BICD2: variants seen among roughly 807,000 people sequenced by gnomAD.
The protein encoded by BICD2 is BICD cargo adaptor 2.
BICD2 carries 25 observed loss-of-function variants against 72.9 expected under a neutral mutation model. The observed-to-expected ratio is 0.34, with a 90% CI of 0.25 to 0.48. The LOEUF is 0.48. Ranked by LOEUF, BICD2 falls within the 20% of genes least tolerant of loss-of-function variation. The pLI, the probability that BICD2 is intolerant of heterozygous loss-of-function variation, is 0.99. For synonymous variants in BICD2, 501 were observed against 516.1 expected (o/e 0.97, Z 0.40); for missense variants, 894 against 1,175.2 (o/e 0.76, Z 3.50).
chr9:92,736,194 T>C (rs188531084), intron 1 of BICD2, among the ~76,000 whole-genome samples: 52 of 152,300 alleles, frequency 3.4e-4, no homozygotes, highest in Non-Finnish European at 5.7e-4. Context: ...AAACACTAAC[T>C]GCTGATAAAA....
chr9:92,719,439 GGCCTGCAGGCGCC>G lies in BICD2; in HGVS notation c.1193_1205del (p.Arg398ProfsTer87). The G allele has an allele frequency of 6.2e-7, 1 of 1,614,118 alleles. No individual in the cohort carries two copies. The highest frequency in any genetic ancestry group is 8.5e-7 in the Non-Finnish European group (1 of 1,180,040). ...CCAGGGCTGTCTGCCGCTCCTTGCT[GGCCTGCAGGCGCC>G]GCAGGGCACTCAGATTCTCTGTGAG... On this transcript the variant is annotated frameshift_variant, in exon 5 of 7. Transcript: ENST00000356884. LOFTEE classifies it high-confidence loss of function.
chr9:92,729,260 G>C (rs376722563), intron 1 of BICD2, 24 bp from the exon 2 acceptor site: 2 of 1,612,102 alleles, frequency 1.2e-6, no homozygotes, highest in East Asian at 4.5e-5. Context: ...CAAGACACTC[G>C]TGAGGTGGGC....
chr9:92,744,383 A>G (rs1007845114), intron 1 of BICD2, among the ~76,000 whole-genome samples: 4 of 152,196 alleles, frequency 2.6e-5, no homozygotes, highest in Non-Finnish European at 5.9e-5. Flanking sequence ...GGGCTCAGAG[A>G]GCAGCTCTGG....
In BICD2 at chr9:92,764,781, T is replaced by C. The variant is rs747858816; in HGVS notation, c.-37A>G. The C allele has an allele frequency of 7.0e-7, 1 of 1,438,754 alleles. No homozygotes were observed. The highest frequency in any genetic ancestry group is 9.1e-7 in the Non-Finnish European group (1 of 1,098,304). 89.1% of individuals were successfully genotyped at this position (1,438,754 alleles called of 1,614,324 possible). A position where few individuals can be genotyped will look rare whatever the true frequency, so the allele number is the denominator to read the frequency against. On this transcript the variant is annotated 5_prime_UTR_variant, in exon 1 of 7. Transcript: ENST00000356884. This position sits in a 1 kb window ranked among gnomAD's most constrained non-coding sequence, Gnocchi z 5.5. ...GCTGAGCCGGCTCCCACTGAGGCTC[T>C]CGCAGGCCGGGCCCTCCTCAGCCGC...
chr9:92,723,463 A>G (rs1033389295), intron 2 of BICD2, among the ~76,000 whole-genome samples: 13 of 152,378 alleles, frequency 8.5e-5, no homozygotes, highest in African/African-American at 2.6e-4. Flanking sequence ...GCCTGTCACG[A>G]GAGGCCATGC....
chr9:92,720,553 G>A lies in BICD2; in HGVS notation c.809C>T (p.Ser270Phe), dbSNP rs375710311. 1 of 1,614,154 alleles carries A rather than the reference G, an allele frequency of 6.2e-7. No individual in the cohort carries two copies. The highest frequency in any genetic ancestry group is 8.5e-7 in the Non-Finnish European group (1 of 1,180,034). The change falls in exon 4 of 7, where the codon TCC becomes TTC. Residue 270 changes from serine (S) to phenylalanine (F), a missense_variant. Around this residue, in one of 5 missense-constraint regions of BICD2, gnomAD observed 371 missense variants for 439.1 expected, o/e 0.84. Coordinates refer to ENST00000356884, the MANE Select transcript of BICD2 (RefSeq NM_001003800.2). The surrounding 1 kb of genome is among the most constrained non-coding windows in gnomAD (Gnocchi z 5.4). Reference protein sequence around the residue: ...ELSHYMSINDSFYTSHLHVSL... With the variant: ...ELSHYMSINDFFYTSHLHVSL... ...GACATGCAGGTGGCTGGTGTAGAAG[G>A]AGTCATTGATGCTCATGTAGTGTGA...
rs1045439247 is a variant in BICD2 at position 92,714,553 on chromosome 9, G to A, written c.*601C>T. On this transcript the variant is annotated 3_prime_UTR_variant, in exon 7 of 7. Coordinates refer to ENST00000356884, the MANE Select transcript of BICD2 (RefSeq NM_001003800.2). Reference sequence around the variant, plus strand: ...TGTGTCTGGCCAGCAGAATACAGGGGCTCAGGGCTGCTCTTCTCTGGGCTT... The same window carrying A: ...TGTGTCTGGCCAGCAGAATACAGGGACTCAGGGCTGCTCTTCTCTGGGCTT... The A allele has an allele frequency of 1.1e-4, 105 of 985,440 alleles. No homozygotes were observed. The highest frequency in any genetic ancestry group is 1.2e-4 in the Non-Finnish European group (99 of 830,026). The allele number at this position is 985,440 out of a possible 1,614,324, so 61.0% of individuals were successfully genotyped here.
Position 92,715,133 on chromosome 9 carries a change from G to T in BICD2, c.*21C>A. 1 of 1,546,544 alleles carries T rather than the reference G, an allele frequency of 6.5e-7. No individual in the cohort carries two copies. The highest frequency in any genetic ancestry group is 8.8e-7 in the Non-Finnish European group (1 of 1,142,764). On this transcript the variant is annotated 3_prime_UTR_variant, in exon 7 of 7. Coordinates refer to ENST00000356884, the MANE Select transcript of BICD2 (RefSeq NM_001003800.2). ...TGAGGTGAAGCAGATGTTAGCTGCA[G>T]CGTGCGGCGCCCCACAGCCCCTAAT...
In BICD2 at chr9:92,715,337, C is replaced by T; in HGVS notation, c.2385G>A (p.Arg795=). 6.2e-7 allele frequency: 1 copy of T among 1,613,196 alleles called. No homozygotes were observed. The highest frequency in any genetic ancestry group is 8.5e-7 in the Non-Finnish European group (1 of 1,179,872). ...AIQQKLALTQ[R]LELLELDHEQ... ...CATGGTCCAGCTCGAGCAGCTCCAG[C>T]CGCTGGGTCAGCGCCAGCTTCTGCT... The change falls in exon 7 of 7, where the codon CGG becomes CGA. Residue 795 remains arginine (R), a synonymous_variant. Transcript: ENST00000356884.
At position 92,764,244 on chromosome 9, in the gene BICD2, C is replaced by A. The variant is rs1271280170; in HGVS notation, c.240+261G>T. Among the ~76,000 whole-genome samples, 1 of 152,144 alleles carries A rather than the reference C, an allele frequency of 6.6e-6. No individual in the cohort carries two copies. The highest frequency in any genetic ancestry group is 1.5e-5 in the Non-Finnish European group (1 of 68,000). On this transcript the variant is annotated intron_variant, in intron 1 of 6. Transcript: ENST00000356884. The surrounding 1 kb of genome is among the most constrained non-coding windows in gnomAD (Gnocchi z 5.5). ...CCGCCCCGCCGGGGCCGCCCAGGTC[C>A]GCACAGAAGCAGGCGGGCAGCTGCA...
chr9:92,718,858 C>A lies in BICD2; in HGVS notation c.1787G>T (p.Gly596Val), dbSNP rs1377173037. The change falls in exon 5 of 7, where the codon GGC becomes GTC. Residue 596 changes from glycine (G) to valine (V), a missense_variant. Transcript: ENST00000356884. ...LPKGLLAPEA[G>V]RADGGTGDSS... ...GTCCCCCGTCCCACCATCTGCTCGG[C>A]CCGCCTCAGGAGCCAGCAGCCCCTT... 1 of 1,603,802 alleles carries A rather than the reference C, an allele frequency of 6.2e-7. No individual in the cohort carries two copies.
chr9:92,716,646 A>AC (rs751787397), intron 6 of BICD2, among the ~76,000 whole-genome samples: 7 of 152,204 alleles, frequency 4.6e-5, no homozygotes, highest in African/African-American at 7.2e-5. Context: ...TGCAGGGCTG[A>AC]CCCCATGGTG....
intron 6 of BICD2, among the ~76,000 whole-genome samples, chr9:92,716,712 G>C (rs1853322099): frequency 6.6e-6 from 1 of 152,248 alleles, no homozygotes; most frequent in Non-Finnish European, 1.5e-5. Context: ...GTGAAAGACA[G>C]CGGTACCTGT....
intron 5 of BICD2, 70 bp from the exon 6 acceptor site, chr9:92,718,018 G>C (rs1853358724): frequency 1.3e-6 from 2 of 1,537,140 alleles, no homozygotes; most frequent in African/African-American, 2.8e-5. Context: ...CTGGGAGCAG[G>C]ATCGGGAGCC....
At position 92,764,829 on chromosome 9, in the gene BICD2, G is replaced by GCCGCCC; in HGVS notation, c.-86_-85insGGGCGG. ...CGCCGCCGCTGCCGCCGCCGCCGCC[G>GCCGCCC]CCCTGCCCCGACGGCCGCCCGCCCG... On this transcript the variant is annotated 5_prime_UTR_variant, in exon 1 of 7. Coordinates refer to ENST00000356884, the MANE Select transcript of BICD2 (RefSeq NM_001003800.2). The surrounding 1 kb of genome is among the most constrained non-coding windows in gnomAD (Gnocchi z 5.5). 2 of 1,038,964 alleles carry GCCGCCC rather than the reference G, an allele frequency of 1.9e-6. No homozygotes were observed. Among genetic ancestry groups the GCCGCCC allele is most frequent in the Non-Finnish European group, 2.3e-6 (2 of 865,270 alleles). 64.4% of individuals were successfully genotyped at this position (1,038,964 alleles called of 1,614,324 possible).
At chr9:92,761,903 C>T (rs942562851) in intron 1 of BICD2, among the ~76,000 whole-genome samples, 1 of 152,176 alleles carries the variant, frequency 6.6e-6, no homozygotes, top group African/African-American at 2.4e-5. Flanking sequence ...CAGCCAGCAC[C>T]GTGCTATGTT....
chr9:92,722,334 T>C (rs1486609619), intron 3 of BICD2, among the ~76,000 whole-genome samples: 1 of 152,198 alleles, frequency 6.6e-6, no homozygotes, highest in Non-Finnish European at 1.5e-5. Context: ...GGTCAGCACC[T>C]GATGGGGGAG....
At position 92,714,828 on chromosome 9, in the gene BICD2, C is replaced by G. The variant is rs1853268465; in HGVS notation, c.*326G>C. 9.2e-7 allele frequency: 1 copy of G among 1,091,650 alleles called. No homozygotes were observed. Among genetic ancestry groups the G allele is most frequent in the African/African-American group, 1.6e-5 (1 of 60,850 alleles). The allele number at this position is 1,091,650 out of a possible 1,614,324, so 67.6% of individuals were successfully genotyped here. Reference sequence around the variant, plus strand: ...GAGGGAGCAGGACCAGGACTCCTCCCTTGGGTTTCCCCACGGGTGCGCAGG... The same window carrying G: ...GAGGGAGCAGGACCAGGACTCCTCCGTTGGGTTTCCCCACGGGTGCGCAGG... On this transcript the variant is annotated 3_prime_UTR_variant, in exon 7 of 7. Transcript: ENST00000356884.
rs968543070 is a variant in BICD2, at chr9:92,712,776, T to C, written c.*2378A>G. 3 of 152,402 alleles carry C rather than the reference T, an allele frequency of 2.0e-5. No homozygotes were observed. Among genetic ancestry groups the C allele is most frequent in the African/African-American group, 7.2e-5 (3 of 41,452 alleles). The allele number at this position is 152,402 out of a possible 1,614,324, so 9.4% of individuals were successfully genotyped here. On this transcript the variant is annotated 3_prime_UTR_variant, in exon 7 of 7. Coordinates refer to ENST00000356884, the MANE Select transcript of BICD2 (RefSeq NM_001003800.2). ...TCCTAAGAATAATAATAATACAATATGAAAAACCCCAGAATCTGAATACCC... is the reference window on the plus strand; with the variant it reads ...TCCTAAGAATAATAATAATACAATACGAAAAACCCCAGAATCTGAATACCC...
Sources: allele counts gnomAD v4.1 joint callset (sites outside exome capture counted in the v4.1 genomes callset), GRCh38; gene constraint gnomAD v4.1.1; regional missense constraint gnomAD v4.1.1; non-coding constraint Gnocchi (gnomAD v3.1); transcripts MANE v1.5; gene names NCBI Gene and HGNC (gene_info 2026-07-23, HGNC 2026-07-21).